USP47: variants seen among roughly 807,000 people sequenced by gnomAD.
USP47 encodes ubiquitin specific peptidase 47.
In USP47, 35 loss-of-function variants were observed where a neutral mutation model predicts 165.1. The observed-to-expected ratio is 0.21, with a 90% CI of 0.16 to 0.28. USP47 has a LOEUF of 0.28. USP47 is among the 10% of genes least tolerant of loss of function. The pLI is 1.00. For synonymous variants in USP47, 531 were observed against 544.5 expected, an observed-to-expected ratio of 0.98 and a Z score of 0.35; for missense variants, 1,277 against 1,607.4, an observed-to-expected ratio of 0.79 and a Z score of 3.52.
At chr11:11,908,957 G>A (rs920047608) in intron 8 of USP47, among the ~76,000 whole-genome samples, 1 of 152,072 alleles carries the variant, frequency 6.6e-6, no homozygotes, top group South Asian at 2.1e-4. Flanking sequence ...AAATATCACA[G>A]TGCATATTAT....
rs147605814 is a variant in USP47 at position 11,960,900 on chromosome 11, C to G, written c.*4725C>G. Among the ~76,000 whole-genome samples, 65 of 152,256 alleles carry G rather than the reference C, an allele frequency of 4.3e-4. No homozygotes were observed. The highest frequency in any genetic ancestry group is 1.5e-3 in the African/African-American group (62 of 41,548). On this transcript the variant is annotated 3_prime_UTR_variant, in exon 28 of 28. Transcript: ENST00000527733. ...CTTTGTCCCTCACACTACAGCAGGC[C>G]CCTCCCTTCCCTCTTCAACCTCATC... is the stretch of plus-strand genomic sequence containing the variant.
intron 3 of USP47, among the ~76,000 whole-genome samples, chr11:11,886,782 C>A (rs1851190881): frequency 1.3e-5 from 2 of 152,030 alleles, no homozygotes; most frequent in Non-Finnish European, 2.9e-5. Context: ...AACCCCAAGA[C>A]AATAATCGTC....
Position 11,920,169 on chromosome 11 carries a change from A to G in USP47, c.983A>G (p.His328Arg), listed in dbSNP as rs377565253. 6.3e-7 allele frequency: 1 copy of G among 1,594,860 alleles called. No individual in the cohort carries two copies. Among genetic ancestry groups the G allele is most frequent in the Non-Finnish European group, 8.5e-7 (1 of 1,171,478 alleles). ...QAFASVEEALHAFIQPEILDG... is the reference protein window; with the variant it reads ...QAFASVEEALRAFIQPEILDG... ...TTTTCTAACTAGGAAGAAGCATTGC[A>G]TGCATTTATTCAGCCAGAGATTCTG... Residue 328 changes from histidine (H) to arginine (R), a missense_variant, in exon 9 of 28, where the codon CAT becomes CGT. Transcript: ENST00000527733.
chr11:11,946,656 G>A (rs946362370), intron 20 of USP47, among the ~76,000 whole-genome samples: 3 of 152,088 alleles, frequency 2.0e-5, no homozygotes, highest in African/African-American at 7.2e-5. Flanking sequence ...AAGAAATTTA[G>A]TACCTCGTTG....
At chr11:11,935,928 G>A (rs1300530088) in intron 16 of USP47, among the ~76,000 whole-genome samples, 2 of 151,790 alleles carry the variant, frequency 1.3e-5, no homozygotes, top group East Asian at 1.9e-4. Context: ...AAAACAAAAG[G>A]TGCATATTCT....
At chr11:11,856,212 A>G (rs957094575) in intron 1 of USP47, among the ~76,000 whole-genome samples, 3 of 152,106 alleles carry the variant, frequency 2.0e-5, no homozygotes, top group Non-Finnish European at 4.4e-5. Context: ...GGCAAAAAAT[A>G]TTTTTTTCCC....
chr11:11,884,577 G>T lies in USP47; in HGVS notation c.354G>T (p.Leu118=). ...AAGATGGTGAACAACCTCAAATACT[G>T]CTGGTAAGCTACTTAGAAAGCCCCA... The part of the protein sequence containing the change: ...TDKDGEQPQI[L]LEDSSAGEDS... The change falls in exon 3 of 28, where the codon CTG becomes CTT. Residue 118 remains leucine (L), a synonymous_variant. Transcript: ENST00000527733. The T allele has an allele frequency of 6.3e-7, 1 of 1,599,614 alleles. No homozygotes were observed. The highest frequency in any genetic ancestry group is 8.5e-7 in the Non-Finnish European group (1 of 1,175,034).
intron 22 of USP47, 69 bp downstream of exon 22, chr11:11,948,627 A>G: frequency 7.2e-7 from 1 of 1,391,530 alleles, no homozygotes; most frequent in South Asian, 1.3e-5. Flanking sequence ...AATATATTTT[A>G]TTCATAGTCA....
chr11:11,951,497 G>A (rs1409656957), intron 24 of USP47: 1 of 152,136 alleles, frequency 6.6e-6, no homozygotes, highest in African/African-American at 2.4e-5. Flanking sequence ...TTGGAGGGAG[G>A]CTTATAGGAG....
At position 11,956,650 on chromosome 11, in the gene USP47, T is replaced by G. The variant is rs945837286; in HGVS notation, c.*475T>G. 1.4e-4 allele frequency: 21 copies of G among 152,872 alleles called. No homozygotes were observed. The highest frequency in any genetic ancestry group is 5.1e-4 in the African/African-American group (21 of 41,472). 9.5% of individuals were successfully genotyped at this position (152,872 alleles called of 1,614,324 possible). Reference sequence around the variant, plus strand: ...ATTCAGAAGTAAATCCAACGTGTGTTGACTCTTGGAAAGCAGCAAAAACAG... The same window carrying G: ...ATTCAGAAGTAAATCCAACGTGTGTGGACTCTTGGAAAGCAGCAAAAACAG... On this transcript the variant is annotated 3_prime_UTR_variant, in exon 28 of 28. Transcript: ENST00000527733.
intron 1 of USP47, among the ~76,000 whole-genome samples, chr11:11,862,780 C>G (rs1043359776): frequency 7.2e-5 from 11 of 151,940 alleles, no homozygotes; most frequent in Admixed American, 4.6e-4. Flanking sequence ...TGGTCTCGAA[C>G]TCCTGGGCTC....
At chr11:11,950,521 A>C (rs753528634) in intron 24 of USP47, 39 bp downstream of exon 24, 1 of 1,344,600 alleles carries the variant, frequency 7.4e-7, no homozygotes, top group East Asian at 2.3e-5. Context: ...TCAGTTAGAA[A>C]TACTCTAGAA....
chr11:11,853,660 A>G (rs1192315849), intron 1 of USP47, among the ~76,000 whole-genome samples: 5 of 152,168 alleles, frequency 3.3e-5, no homozygotes, highest in African/African-American at 7.2e-5. Context: ...CTCTTCTTTC[A>G]TTTAATGAAA....
chr11:11,902,090 G>A (rs541644151), intron 5 of USP47, among the ~76,000 whole-genome samples: 1 of 152,126 alleles, frequency 6.6e-6, no homozygotes, highest in South Asian at 2.1e-4. Flanking sequence ...TTGTTTGGAA[G>A]CATACCTCCA....
intron 19 of USP47, among the ~76,000 whole-genome samples, chr11:11,941,502 T>C (rs889508045): frequency 3.9e-5 from 6 of 152,016 alleles, no homozygotes; most frequent in African/African-American, 1.4e-4. Context: ...AGATTTATTA[T>C]GGAAAATTTC....
intron 22 of USP47, among the ~76,000 whole-genome samples, chr11:11,949,495 T>G (rs568197657): frequency 1.3e-5 from 2 of 152,322 alleles, no homozygotes; most frequent in South Asian, 4.1e-4. Flanking sequence ...TTGTGGAAAC[T>G]GTCTCTTTTG....
chr11:11,909,011 A>C (rs1159411101), intron 8 of USP47, among the ~76,000 whole-genome samples: 1 of 152,168 alleles, frequency 6.6e-6, no homozygotes, highest in Non-Finnish European at 1.5e-5. Context: ...AAGTTTGTTT[A>C]AATGTGTTTA....
intron 24 of USP47, chr11:11,950,953 A>T (rs1222061636): frequency 6.6e-6 from 1 of 152,654 alleles, no homozygotes; most frequent in Non-Finnish European, 1.5e-5. Flanking sequence ...CATGGTACTG[A>T]TAATTTATCA....
chr11:11,892,370 TTTTA>T (rs1350003256), intron 4 of USP47, among the ~76,000 whole-genome samples: 3 of 124,860 alleles, frequency 2.4e-5, no homozygotes, highest in African/African-American at 7.1e-5. Context: ...TTTCTTTTCT[TTTTA>T]ATTTTCTTTT....
Sources: allele counts gnomAD v4.1 joint callset (sites outside exome capture counted in the v4.1 genomes callset), GRCh38; gene constraint gnomAD v4.1.1; transcripts MANE v1.5; gene names NCBI Gene and HGNC (gene_info 2026-07-23, HGNC 2026-07-21).